Variants in APLP2 observed in about 807,000 individuals in gnomAD.
The protein encoded by APLP2 is amyloid beta precursor like protein 2, also known as CDEI box-binding protein.
In APLP2, 53 loss-of-function variants were observed where a neutral mutation model predicts 89.9. The observed-to-expected ratio is 0.59, with a 90% confidence interval of 0.47 to 0.74. The LOEUF is 0.74. Ranked by LOEUF, APLP2 falls within the 30% of genes least tolerant of loss-of-function variation. The pLI is 0.00. For synonymous variants in APLP2, 372 were observed against 348.6 expected (o/e 1.07, Z -0.75); for missense variants, 973 against 975.9 (o/e 1.00, Z 0.04).
In APLP2 at chr11:130,096,783, C is replaced by T. The variant is rs7123613; in HGVS notation, c.106-12646C>T. ...GCAGGTTCATGTGTGCTTACACACA[C>T]GTTTATATTCCTTTTATTCATTCTT... On this transcript the variant is annotated intron_variant, in intron 1 of 16. Transcript: ENST00000338167. Among the ~76,000 whole-genome samples the T allele has an allele frequency of 9.7e-3, 1,480 of 152,182 alleles. 20 individuals are homozygous for T. Among genetic ancestry groups the T allele is most frequent in the African/African-American group, 0.034 (1,403 of 41,514 alleles).
intron 1 of APLP2, among the ~76,000 whole-genome samples, chr11:130,105,362 G>A (rs2135736702): frequency 6.6e-6 from 1 of 152,224 alleles, no homozygotes; most frequent in Admixed American, 6.5e-5. Context: ...ACTGTAATGA[G>A]CTGAGATTGC....
intron 1 of APLP2, among the ~76,000 whole-genome samples, chr11:130,078,671 G>GT (rs550633588): frequency 4.3e-4 from 65 of 151,968 alleles, no homozygotes; most frequent in Non-Finnish European, 4.4e-4. Context: ...TTTCATTTCT[G>GT]TTTTTTTCCT....
At chr11:130,117,003 C>T (rs11603515) in intron 3 of APLP2, among the ~76,000 whole-genome samples, 4,674 of 151,984 alleles carry the variant, frequency 0.031, 103 homozygotes, top group Non-Finnish European at 0.047. Context: ...TGGTGGCGAA[C>T]GCCTGTAATG....
In APLP2 at chr11:130,142,400, A is replaced by G. The variant is rs189985647; in HGVS notation, c.2154+326A>G. On this transcript the variant is annotated intron_variant, in intron 16 of 16. Coordinates refer to ENST00000338167, the MANE Select transcript of APLP2 (RefSeq NM_001142276.2). ...CAGGTATTTTTTTTTTTAATGGGGG[A>G]AAGGAGCAACAGGAAATTTAGAAAG... is the stretch of plus-strand genomic sequence containing the variant. Among the ~76,000 whole-genome samples, 389 of 151,172 alleles carry G rather than the reference A, an allele frequency of 2.6e-3. 1 individual carries two copies. The highest frequency in any genetic ancestry group is 9.0e-3 in the African/African-American group (371 of 41,166).
intron 1 of APLP2, among the ~76,000 whole-genome samples, chr11:130,100,025 T>C (rs1182053856): frequency 6.6e-6 from 1 of 152,278 alleles, no homozygotes; most frequent in Non-Finnish European, 1.5e-5. Flanking sequence ...AAGCTCCCAA[T>C]GCTTGAAGAG....
chr11:130,135,312 A>AT (rs953825309), intron 12 of APLP2, among the ~76,000 whole-genome samples: 2 of 152,114 alleles, frequency 1.3e-5, no homozygotes, highest in African/African-American at 4.8e-5. Flanking sequence ...AATATGTACA[A>AT]TTTTTTAAAC....
At chr11:130,078,420 C>CTG (rs72514254) in intron 1 of APLP2, among the ~76,000 whole-genome samples, 4 of 90,008 alleles carry the variant, frequency 4.4e-5, no homozygotes, top group African/African-American at 4.1e-4. Context: ...TGCCTTTTCA[C>CTG]TCTTAGTGAT....
intron 1 of APLP2, among the ~76,000 whole-genome samples, chr11:130,083,021 CTTTTCTTTTT>C (rs1483085730): frequency 3.0e-4 from 24 of 79,974 alleles, no homozygotes; most frequent in African/African-American, 1.2e-3. Flanking sequence ...TGAAACTTTT[CTTTTCTTTTT>C]TTTTTTTTTT....
intron 16 of APLP2, 73 bp downstream of exon 16, chr11:130,142,147 T>C (rs551071909): frequency 6.8e-7 from 1 of 1,461,802 alleles, no homozygotes; most frequent in African/African-American, 1.4e-5. Context: ...GTGGAATTAA[T>C]AGGCATCTTC....
At chr11:130,107,819 T>C (rs1947994211) in intron 1 of APLP2, among the ~76,000 whole-genome samples, 1 of 152,098 alleles carries the variant, frequency 6.6e-6, no homozygotes, top group Admixed American at 6.5e-5. Context: ...AAACTATACT[T>C]CAATGCTACA....
In APLP2 at chr11:130,143,420, A is replaced by G; in HGVS notation, c.2228A>G (p.Tyr743Cys). 1.9e-6 allele frequency: 3 copies of G among 1,613,844 alleles called. No individual in the cohort carries two copies. Among genetic ancestry groups the G allele is most frequent in the Non-Finnish European group, 2.5e-6 (3 of 1,179,950 alleles). ...MQNHGYENPT[Y>C]KYLEQMQI Reference sequence around the variant, plus strand: ...AACCATGGCTATGAGAACCCCACCTACAAATACCTGGAGCAGATGCAGATT... The same window carrying G: ...AACCATGGCTATGAGAACCCCACCTGCAAATACCTGGAGCAGATGCAGATT... Residue 743 changes from tyrosine (Y) to cysteine (C), a missense_variant, in exon 17 of 17, where the codon TAC (tyrosine) becomes TGC (cysteine). Transcript: ENST00000338167.
At chr11:130,132,520 G>A (rs915748739) in intron 11 of APLP2, among the ~76,000 whole-genome samples, 18 of 152,012 alleles carry the variant, frequency 1.2e-4, no homozygotes, top group Admixed American at 2.6e-4. Flanking sequence ...AACACACCTC[G>A]CCGTGTCATT....
rs1004386306 is a variant in APLP2, at chr11:130,114,573, A to G, written c.403+3912A>G. 4.6e-5 allele frequency among the ~76,000 whole-genome samples: 7 copies of G among 152,282 alleles called. No individual in the cohort carries two copies. The East Asian group carries it at 1.4e-3, about 29-fold the overall frequency. ...ATGCTGGTTCCTGTGTCCTTATAAC[A>G]TGTCCCTATCATTCTTTGAGAACTT... On this transcript the variant is annotated intron_variant, in intron 3 of 16. Coordinates refer to ENST00000338167, the MANE Select transcript of APLP2 (RefSeq NM_001142276.2).
chr11:130,131,139 C>G (rs59478748), intron 11 of APLP2, among the ~76,000 whole-genome samples: 2 of 152,216 alleles, frequency 1.3e-5, no homozygotes. Context: ...CACTCTGTCA[C>G]TCAGGCTGGG....
intron 1 of APLP2, among the ~76,000 whole-genome samples, chr11:130,102,493 T>C (rs967300899): frequency 2.6e-5 from 4 of 152,242 alleles, no homozygotes; most frequent in African/African-American, 9.6e-5. Context: ...ACCATGTTCA[T>C]GGGAAGATGC....
In APLP2 at chr11:130,116,502, C is replaced by A. The variant is rs539976743; in HGVS notation, c.404-4204C>A. Among the ~76,000 whole-genome samples the A allele has an allele frequency of 7.9e-5, 12 of 151,452 alleles. 1 individual carries two copies. In the South Asian group the frequency reaches 2.3e-3, roughly 29 times the overall value. On this transcript the variant is annotated intron_variant, in intron 3 of 16. Transcript: ENST00000338167. ...TGTATCTTTTTCTTTTTTTCTTTTTCTTTTTAAGACAGGGTCGCCGTCACC... is the reference window on the plus strand; with the variant it reads ...TGTATCTTTTTCTTTTTTTCTTTTTATTTTTAAGACAGGGTCGCCGTCACC...
At chr11:130,140,112 C>A (rs574831414) in intron 13 of APLP2, among the ~76,000 whole-genome samples, 1 of 152,162 alleles carries the variant, frequency 6.6e-6, no homozygotes, top group African/African-American at 2.4e-5. Flanking sequence ...ATGTGTCTTA[C>A]AATAAACATT....
At chr11:130,143,168 C>A (rs1057247087) in intron 16 of APLP2, among the ~76,000 whole-genome samples, 179 bp from the exon 17 acceptor site, 5 of 152,160 alleles carry the variant, frequency 3.3e-5, no homozygotes, top group African/African-American at 1.2e-4. Flanking sequence ...CTCTTTGATC[C>A]CCTTATTTTC....
intron 3 of APLP2, among the ~76,000 whole-genome samples, chr11:130,111,660 C>T (rs1039036297): frequency 1.3e-5 from 2 of 152,062 alleles, no homozygotes; most frequent in African/African-American, 2.4e-5. Context: ...TTAAAATATT[C>T]GTGAGGAGCA....
Sources: allele counts gnomAD v4.1 joint callset (sites outside exome capture counted in the v4.1 genomes callset), GRCh38; gene constraint gnomAD v4.1.1; transcripts MANE v1.5; gene names NCBI Gene and HGNC (gene_info 2026-07-23, HGNC 2026-07-21).